BICRAL: variants seen among roughly 807,000 people sequenced by gnomAD.
The protein encoded by BICRAL is BICRA like chromatin remodeling complex associated protein.
A neutral mutation model predicts 91.8 loss-of-function variants in BICRAL; 8 were observed. The observed-to-expected ratio is 0.09, with a 90% CI of 0.05 to 0.16. BICRAL has a LOEUF of 0.16. BICRAL is among the 10% of genes least tolerant of loss of function. The probability of loss-of-function intolerance (pLI) is 1.00; values close to 1 mark genes in which losing one functional copy is unlikely to be tolerated. For missense variants in BICRAL, 1,038 were observed against 1,310.9 expected (o/e 0.79, Z 3.21); for synonymous variants, 445 against 491.1 (o/e 0.91, Z 1.24).
At chr6:42,861,858 G>A (rs1246638065) in intron 11 of BICRAL, among the ~76,000 whole-genome samples, 1 of 152,048 alleles carries the variant, frequency 6.6e-6, no homozygotes, top group Non-Finnish European at 1.5e-5. Context: ...AATTGTCTGG[G>A]TGTGGTGGTG....
chr6:42,799,544 T>G lies in BICRAL; in HGVS notation c.-101-10762T>G, dbSNP rs1763507451. 3.3e-5 allele frequency among the ~76,000 whole-genome samples: 5 copies of G among 152,096 alleles called. No individual in the cohort carries two copies. In the South Asian group the frequency reaches 1.0e-3, roughly 31 times the overall value. ...CTCTTGACCTTGTGATCCATGAGCC[T>G]CAGCCTCCCAAAGTGCTGGGATTAC... On this transcript the variant is annotated intron_variant, in intron 1 of 12. Coordinates refer to ENST00000314073, the MANE Select transcript of BICRAL (RefSeq NM_001393499.1).
At chr6:42,821,522 A>C (rs1057092157) in intron 2 of BICRAL, among the ~76,000 whole-genome samples, 6 of 152,176 alleles carry the variant, frequency 3.9e-5, no homozygotes, top group Non-Finnish European at 5.9e-5. Flanking sequence ...TCTCTCTCTA[A>C]ATGCAGGAAG....
At chr6:42,773,981 G>A (rs1762777458) in intron 1 of BICRAL, among the ~76,000 whole-genome samples, 1 of 152,246 alleles carries the variant, frequency 6.6e-6, no homozygotes, top group Non-Finnish European at 1.5e-5. Flanking sequence ...GTGAGAGGCA[G>A]ACATTATCTT....
At chr6:42,748,586 AAGGAAAC>A (rs1278630904) in intron 1 of BICRAL, among the ~76,000 whole-genome samples, 1 of 152,226 alleles carries the variant, frequency 6.6e-6, no homozygotes, top group Non-Finnish European at 1.5e-5. Context: ...CTTTCAAGAA[AAGGAAAC>A]AGTTAAAAAC....
chr6:42,822,013 T>C lies in BICRAL; in HGVS notation c.-5-5T>C. ...AACCTGTTTTCCTCTCCCTTTTCTT[T>C]ATAGTTGTCATGGATGATGATGATG... On this transcript the variant is annotated splice_region_variant and splice_polypyrimidine_tract_variant and intron_variant, in intron 2 of 12. Coordinates refer to ENST00000314073, the MANE Select transcript of BICRAL (RefSeq NM_001393499.1). 1 of 1,599,476 alleles carries C rather than the reference T, an allele frequency of 6.3e-7. No homozygotes were observed. The highest frequency in any genetic ancestry group is 1.7e-5 in the Admixed American group (1 of 59,870).
At chr6:42,760,483 C>G (rs1762528130) in intron 1 of BICRAL, among the ~76,000 whole-genome samples, 1 of 151,900 alleles carries the variant, frequency 6.6e-6, no homozygotes, top group Admixed American at 6.6e-5. Context: ...GAGGTAGGTG[C>G]CTTAGCTGTT....
intron 6 of BICRAL, among the ~76,000 whole-genome samples, chr6:42,843,460 G>A (rs763887267): frequency 1.3e-5 from 2 of 151,846 alleles, no homozygotes; most frequent in African/African-American, 2.4e-5. Flanking sequence ...AAGAGCCAGT[G>A]TTGTAATCTA....
chr6:42,763,449 T>A (rs1762584698), intron 1 of BICRAL, among the ~76,000 whole-genome samples: 1 of 152,258 alleles, frequency 6.6e-6, no homozygotes, highest in African/African-American at 2.4e-5. Flanking sequence ...TTCTTCTGCC[T>A]AGAATTTTTA....
chr6:42,794,919 C>G (rs1763379341), intron 1 of BICRAL, among the ~76,000 whole-genome samples: 1 of 151,424 alleles, frequency 6.6e-6, no homozygotes, highest in Non-Finnish European at 1.5e-5. Context: ...CAAGATCACG[C>G]CATTGCAATC....
intron 1 of BICRAL, among the ~76,000 whole-genome samples, chr6:42,770,959 GGC>G (rs1460699461): frequency 7.9e-5 from 12 of 152,190 alleles, no homozygotes; most frequent in Non-Finnish European, 1.6e-4. Context: ...TGGGATTACA[GGC>G]GTGAGCCACC....
At chr6:42,758,066 T>C (rs1273989405) in intron 1 of BICRAL, among the ~76,000 whole-genome samples, 2 of 152,182 alleles carry the variant, frequency 1.3e-5, no homozygotes, top group Non-Finnish European at 2.9e-5. Flanking sequence ...TCTCTCTCAC[T>C]GGTCCACCCA....
chr6:42,817,631 C>T (rs973140230), intron 2 of BICRAL, among the ~76,000 whole-genome samples: 19 of 151,974 alleles, frequency 1.3e-4, no homozygotes, highest in African/African-American at 4.6e-4. Context: ...AGGTGTGCAT[C>T]AGCACACTCA....
At chr6:42,840,492 C>T (rs1388238921) in intron 6 of BICRAL, among the ~76,000 whole-genome samples, 2 of 151,658 alleles carry the variant, frequency 1.3e-5, no homozygotes, top group East Asian at 2.0e-4. Flanking sequence ...CCGCCTGCCT[C>T]GGCCTCCCAA....
chr6:42,818,575 T>C (rs1764057500), intron 2 of BICRAL, among the ~76,000 whole-genome samples: 1 of 152,186 alleles, frequency 6.6e-6, no homozygotes, highest in South Asian at 2.1e-4. Context: ...CTTTGCACTT[T>C]ATGTCGTTGA....
chr6:42,777,152 G>C (rs76954750), upstream of BICRAL, among the ~76,000 whole-genome samples: 4 of 152,162 alleles, frequency 2.6e-5, no homozygotes, highest in African/African-American at 9.7e-5. Flanking sequence ...TATTCACATG[G>C]GAAGATCTCA....
At chr6:42,803,169 G>C (rs1255585448) in intron 1 of BICRAL, among the ~76,000 whole-genome samples, 1 of 152,170 alleles carries the variant, frequency 6.6e-6, no homozygotes, top group Non-Finnish European at 1.5e-5. Flanking sequence ...TAAATGTTTG[G>C]AGACTTCAAC....
rs968681590 is a variant in BICRAL, at chr6:42,828,391, A to C, written c.160-102A>C. On this transcript the variant is annotated intron_variant, in intron 5 of 12. Transcript: ENST00000314073. ...ACTCCAGCCTGGGTGACAGAGCGAG[A>C]CTCCATCTCAAAAAAAAAAAAAAAA... 2.1e-5 allele frequency: 21 copies of C among 985,584 alleles called. No individual in the cohort carries two copies. The Admixed American group carries it at 4.7e-4, about 22-fold the overall frequency. 61.1% of individuals were successfully genotyped at this position (985,584 alleles called of 1,614,324 possible).
chr6:42,790,017 A>G (rs1231547478), intron 1 of BICRAL, among the ~76,000 whole-genome samples: 1 of 129,330 alleles, frequency 7.7e-6, no homozygotes, highest in Non-Finnish European at 1.6e-5. Flanking sequence ...AATATCTTAC[A>G]CTAGTAGAGG....
chr6:42,819,485 C>T (rs1455424629), intron 2 of BICRAL, among the ~76,000 whole-genome samples: 1 of 151,762 alleles, frequency 6.6e-6, no homozygotes, highest in Non-Finnish European at 1.5e-5. Context: ...CGGGTTTCAC[C>T]GTGTTGGCCA....
Sources: gnomAD v4.1 joint callset for allele counts (sites outside exome capture counted in the v4.1 genomes callset) on GRCh38, gnomAD v4.1.1 for gene constraint, MANE v1.5 for transcripts, NCBI Gene and HGNC (gene_info 2026-07-23, HGNC 2026-07-21) for gene names.